The following CSGALNACT1 variants were observed in gnomAD, a reference collection of about 807,000 sequenced individuals.
The protein encoded by CSGALNACT1 is chondroitin sulfate N-acetylgalactosaminyltransferase 1.
In CSGALNACT1, 52 loss-of-function variants were observed where a neutral mutation model predicts 51.0. The observed-to-expected ratio is 1.02, with a 90% CI of 0.82 to 1.29. The LOEUF is 1.29. Among genes scored for constraint, CSGALNACT1 ranks in the 50% most tolerant of loss-of-function variants. The pLI, the probability that CSGALNACT1 is intolerant of heterozygous loss-of-function variation, is 0.00. For synonymous variants in CSGALNACT1, 341 were observed against 254.4 expected (o/e 1.34, Z -3.24); for missense variants, 935 against 679.2 (o/e 1.38, Z -4.19).
At chr8:19,460,140 C>A (rs1355357842) in intron 4 of CSGALNACT1, among the ~76,000 whole-genome samples, 2 of 152,078 alleles carry the variant, frequency 1.3e-5, no homozygotes, top group African/African-American at 4.8e-5. Context: ...AGGTAAAACC[C>A]AACAAATCAG....
chr8:19,725,493 C>T (rs1321700194), intron 1 of CSGALNACT1, among the ~76,000 whole-genome samples: 3 of 145,958 alleles, frequency 2.1e-5, no homozygotes, highest in Admixed American at 1.4e-4. Flanking sequence ...GGCGTGATCT[C>T]GGCTCACTGA....
chr8:19,408,591 T>G (rs1005028290), intron 9 of CSGALNACT1, 22 bp downstream of exon 8: 3 of 1,601,896 alleles, frequency 1.9e-6, no homozygotes, highest in Middle Eastern at 1.7e-4. Context: ...TGGGTGGCAG[T>G]AGAGATGCAG....
At chr8:19,623,672 A>C (rs2054102689) in intron 1 of CSGALNACT1, among the ~76,000 whole-genome samples, 1 of 152,246 alleles carries the variant, frequency 6.6e-6, no homozygotes, top group African/African-American at 2.4e-5. Flanking sequence ...GAGCCAGAAT[A>C]ACAGAAAGAT....
chr8:19,738,210 A>T (rs1336942561), intron 1 of CSGALNACT1, among the ~76,000 whole-genome samples: 1 of 152,242 alleles, frequency 6.6e-6, no homozygotes, highest in East Asian at 1.9e-4. Context: ...GTGACAGAGC[A>T]GGATCTCATC....
chr8:19,630,052 G>C (rs2055005123), intron 1 of CSGALNACT1, among the ~76,000 whole-genome samples: 1 of 152,134 alleles, frequency 6.6e-6, no homozygotes, highest in East Asian at 1.9e-4. Context: ...CTATGGCAGA[G>C]CAACGTGGAA....
chr8:19,448,972 T>C (rs2062612771), intron 5 of CSGALNACT1, among the ~76,000 whole-genome samples: 1 of 152,168 alleles, frequency 6.6e-6, no homozygotes, highest in African/African-American at 2.4e-5. Flanking sequence ...ATCAGTATTC[T>C]TCCTTTGGTT....
intron 5 of CSGALNACT1, among the ~76,000 whole-genome samples, chr8:19,449,727 G>C (rs1257510476): frequency 1.3e-5 from 2 of 151,942 alleles, no homozygotes; most frequent in Admixed American, 6.6e-5. Context: ...AGTCTGAGGA[G>C]GAATATAGCA....
At chr8:19,512,293 T>C (rs975949085) in intron 3 of CSGALNACT1, among the ~76,000 whole-genome samples, 1 of 152,116 alleles carries the variant, frequency 6.6e-6, no homozygotes, top group South Asian at 2.1e-4. Context: ...CTGAAAGAGC[T>C]TGAAAATGCG....
intron 3 of CSGALNACT1, among the ~76,000 whole-genome samples, chr8:19,577,284 C>G (rs2044455683): frequency 6.6e-6 from 1 of 151,748 alleles, no homozygotes; most frequent in Non-Finnish European, 1.5e-5. Context: ...AATTAGTAGC[C>G]AGGCATAGTG....
chr8:19,469,372 CAG>C (rs1379832292), intron 4 of CSGALNACT1, among the ~76,000 whole-genome samples: 1 of 151,970 alleles, frequency 6.6e-6, no homozygotes, highest in African/African-American at 2.4e-5. Context: ...GCCTGGGTGA[CAG>C]AGCAACACCC....
rs537295157 is a variant in CSGALNACT1 at position 19,464,007 on chromosome 8, C to T, written c.635-5365G>A. 2.6e-4 allele frequency among the ~76,000 whole-genome samples: 39 copies of T among 152,344 alleles called. No homozygotes were observed. In the East Asian group the frequency reaches 7.1e-3, roughly 28 times the overall value. The stretch of plus-strand genomic sequence containing the variant: ...GGACCTTGACAAGGGATAAGAAAGG[C>T]ACCACTCCTGACTCAGATTCCCCGC... On this transcript the variant is annotated intron_variant, in intron 4 of 9. Coordinates refer to ENST00000454498, the Ensembl canonical transcript of CSGALNACT1.
At chr8:19,419,814 G>T (rs143224212) in intron 7 of CSGALNACT1, among the ~76,000 whole-genome samples, 190 of 152,280 alleles carry the variant, frequency 1.2e-3, no homozygotes, top group African/African-American at 4.3e-3. Flanking sequence ...TGGCCTCAAA[G>T]GAGAAGTCAA....
intron 1 of CSGALNACT1, among the ~76,000 whole-genome samples, chr8:19,691,230 G>C (rs1295180683): frequency 6.6e-6 from 1 of 152,208 alleles, no homozygotes; most frequent in African/African-American, 2.4e-5. Context: ...AGCAGGTGGT[G>C]AGCAAAGGGG....
At chr8:19,558,443 G>T (rs1223430887) in intron 3 of CSGALNACT1, among the ~76,000 whole-genome samples, 1 of 152,134 alleles carries the variant, frequency 6.6e-6, no homozygotes, top group African/African-American at 2.4e-5. Flanking sequence ...GGTCCCTATA[G>T]TTGAGAAAGT....
At chr8:19,606,931 G>A (rs932950381), upstream of CSGALNACT1, among the ~76,000 whole-genome samples, 13 of 152,122 alleles carry the variant, frequency 8.5e-5, no homozygotes, top group Admixed American at 5.9e-4. Flanking sequence ...GGAGACGGGT[G>A]GATCACAAGG....
chr8:19,573,788 T>A (rs2043548797), intron 3 of CSGALNACT1, among the ~76,000 whole-genome samples: 1 of 152,112 alleles, frequency 6.6e-6, no homozygotes, highest in African/African-American at 2.4e-5. Context: ...AGGAAGGGGA[T>A]GTATAAGGCT....
chr8:19,561,829 A>G (rs2040793288), intron 3 of CSGALNACT1, among the ~76,000 whole-genome samples: 3 of 152,210 alleles, frequency 2.0e-5, no homozygotes. Context: ...CAGGGAGAAG[A>G]GGAGAAGTCA....
intron 3 of CSGALNACT1, among the ~76,000 whole-genome samples, chr8:19,578,408 A>G (rs1049175177): frequency 6.6e-6 from 1 of 152,288 alleles, no homozygotes; most frequent in African/African-American, 2.4e-5. Context: ...TGCTGCCTGG[A>G]GGAAGAAGAC....
chr8:19,577,617 C>G lies in CSGALNACT1; in HGVS notation c.-297+13543G>C, dbSNP rs150276953. Among the ~76,000 whole-genome samples, 1,107 of 151,380 alleles carry G rather than the reference C, an allele frequency of 7.3e-3. 15 individuals carry two copies. The highest frequency in any genetic ancestry group is 0.025 in the African/African-American group (1,047 of 41,062). On this transcript the variant is annotated intron_variant, in intron 3 of 9. Transcript: ENST00000454498. ...GAAAATTTTAATTAGCAACTCCAAC[C>G]ATCCTGTTGCATCTAGTAGGTATCA...
Sources: allele counts gnomAD v4.1 joint callset (sites outside exome capture counted in the v4.1 genomes callset), GRCh38; gene constraint gnomAD v4.1.1; transcripts MANE v1.5; gene names NCBI Gene and HGNC (gene_info 2026-07-23, HGNC 2026-07-21).